WDFY4: variants seen among roughly 807,000 people sequenced by gnomAD.
WDFY4 encodes the protein WDFY family member 4.
A neutral mutation model predicts 351.9 loss-of-function variants in WDFY4; 169 were observed. That is an observed-to-expected ratio of 0.48 (90% CI 0.42 to 0.55). The LOEUF (loss-of-function observed/expected upper bound fraction) is 0.55. Among genes scored for constraint, WDFY4 ranks in the 20% least tolerant of loss-of-function variants. The pLI is 0.00. For missense variants in WDFY4, 3,803 were observed against 3,935.6 expected (o/e 0.97, Z 0.90); for synonymous variants, 1,622 against 1,574.6 (o/e 1.03, Z -0.71).
At chr10:48,966,483 G>A in intron 54 of WDFY4, 43 bp from the exon 55 acceptor site, 1 of 1,531,510 alleles carries the variant, frequency 6.5e-7, no homozygotes, top group East Asian at 2.5e-5. Context: ...CCCCTCCTCT[G>A]GGCATCTCTC....
intron 3 of WDFY4, 125 bp downstream of exon 3, chr10:48,720,250 T>C (rs1388574766): frequency 5.2e-6 from 5 of 961,760 alleles, no homozygotes; most frequent in Non-Finnish European, 3.0e-6. Context: ...CAAAGAGAAG[T>C]AGGCCCCACT....
chr10:48,796,280 T>G lies in WDFY4; in HGVS notation c.4258-18T>G, dbSNP rs781003314. 6.5e-7 allele frequency: 1 copy of G among 1,546,034 alleles called. No homozygotes were observed. Among genetic ancestry groups the G allele is most frequent in the South Asian group, 1.2e-5 (1 of 83,534 alleles). On this transcript the variant is annotated intron_variant, in intron 23 of 61. Transcript: ENST00000325239. Reference sequence around the variant, plus strand: ...ATGATGCATTCATGAGGAAACTGCTTTGTGTTAACCTTTTCAGATAATGGC... The same window carrying G: ...ATGATGCATTCATGAGGAAACTGCTGTGTGTTAACCTTTTCAGATAATGGC...
rs371306679 is a variant in WDFY4, at chr10:48,877,053, G to T, written c.7021G>T (p.Ala2341Ser). The T allele has an allele frequency of 2.0e-6, 3 of 1,505,058 alleles. No homozygotes were observed. In the African/African-American group the frequency reaches 4.2e-5, roughly 21 times the overall value. 93.2% of individuals were successfully genotyped at this position (1,505,058 alleles called of 1,614,324 possible). A position where few individuals can be genotyped will look rare whatever the true frequency, so the allele number is the denominator to read the frequency against. Reference sequence around the variant, plus strand: ...TGCAGATGAACTGACACTGAGGGAGGCTGAGGGCGAGCCGGACGAGGTGGG... The same window carrying T: ...TGCAGATGAACTGACACTGAGGGAGTCTGAGGGCGAGCCGGACGAGGTGGG... ...ENQDELTLRE[A>S]EGEPDEVGVD... The change falls in exon 43 of 62, where the codon GCT becomes TCT. Residue 2341 changes from alanine (A) to serine (S), a missense_variant. Transcript: ENST00000325239.
chr10:48,776,610 C>A, intron 15 of WDFY4, 140 bp from the exon 16 acceptor site: 1 of 837,422 alleles, frequency 1.2e-6, no homozygotes, highest in Non-Finnish European at 1.8e-6. Context: ...GGGAGCCACC[C>A]TCGCTGGTGC....
At chr10:48,732,020 C>A (rs372997803) in intron 9 of WDFY4, among the ~76,000 whole-genome samples, 1 of 152,286 alleles carries the variant, frequency 6.6e-6, no homozygotes, top group East Asian at 1.9e-4. Context: ...GGGCCCAGCA[C>A]GCCCCTCCAA....
intron 51 of WDFY4, among the ~76,000 whole-genome samples, chr10:48,948,025 A>G (rs1318591181): frequency 1.3e-5 from 2 of 152,180 alleles, no homozygotes; most frequent in Admixed American, 1.3e-4. Context: ...ATGGTCACTC[A>G]GAGGACCTTG....
At chr10:48,877,320 A>T in intron 43 of WDFY4, 121 bp downstream of exon 43, 3 of 928,738 alleles carry the variant, frequency 3.2e-6, no homozygotes, top group Non-Finnish European at 3.1e-6. Context: ...TGCTATGAAA[A>T]CTTTCAACAC....
chr10:48,787,901 TTCTTC>T (rs2066503206), intron 20 of WDFY4, among the ~76,000 whole-genome samples: 1 of 31,030 alleles, frequency 3.2e-5, no homozygotes, highest in Non-Finnish European at 6.2e-5. Context: ...CTCCTTCTTC[TTCTTC>T]TTCTTCTTCT....
At chr10:48,749,370 C>T (rs2065111262) in intron 12 of WDFY4, among the ~76,000 whole-genome samples, 1 of 151,926 alleles carries the variant, frequency 6.6e-6, no homozygotes, top group African/African-American at 2.4e-5. Context: ...ACACACACCA[C>T]ACTAAACATA....
intron 2 of WDFY4, among the ~76,000 whole-genome samples, chr10:48,717,271 G>C (rs990851427): frequency 1.3e-5 from 2 of 152,146 alleles, no homozygotes; most frequent in Non-Finnish European, 2.9e-5. Flanking sequence ...AGTATGTGTT[G>C]GAGGTCTGCT....
rs890893588 is a variant in WDFY4 at position 48,874,081 on chromosome 10, T to C, written c.6948+384T>C. Among the ~76,000 whole-genome samples the C allele has an allele frequency of 3.9e-5, 6 of 152,232 alleles. No individual in the cohort carries two copies. In the South Asian group the frequency reaches 8.3e-4, roughly 21 times the overall value. On this transcript the variant is annotated intron_variant, in intron 41 of 61. Transcript: ENST00000325239. ...GTCTGCTCGCACAAGTTACTTGTTA[T>C]TGGGCAGTTGTAACCCATACTGCTA...
intron 51 of WDFY4, among the ~76,000 whole-genome samples, chr10:48,948,511 CA>C (rs1247417871): frequency 6.6e-6 from 1 of 152,160 alleles, no homozygotes; most frequent in East Asian, 1.9e-4. Flanking sequence ...CATTATAACC[CA>C]AAACCCCAGC....
At chr10:48,889,426 C>T (rs2070596662) in intron 43 of WDFY4, among the ~76,000 whole-genome samples, 2 of 152,170 alleles carry the variant, frequency 1.3e-5, no homozygotes, top group Non-Finnish European at 2.9e-5. Flanking sequence ...GGGAGCTTTG[C>T]TTCAGTCCCA....
chr10:48,794,055 T>C (rs2066771732), intron 23 of WDFY4, among the ~76,000 whole-genome samples: 2 of 151,964 alleles, frequency 1.3e-5, no homozygotes, highest in African/African-American at 4.8e-5. Flanking sequence ...GAGGAGAGGA[T>C]GGTTGTGGAG....
At chr10:48,708,659 G>A (rs1275881206) in intron 1 of WDFY4, among the ~76,000 whole-genome samples, 1 of 152,086 alleles carries the variant, frequency 6.6e-6, no homozygotes, top group Non-Finnish European at 1.5e-5. Context: ...GTCACTTATT[G>A]GTGAATTGGC....
intron 61 of WDFY4, among the ~76,000 whole-genome samples, chr10:48,981,932 C>T (rs1373750567): frequency 1.3e-5 from 2 of 152,208 alleles, no homozygotes; most frequent in Non-Finnish European, 1.5e-5. Flanking sequence ...CGTTATTTGA[C>T]TCGCAGTAAC....
intron 12 of WDFY4, among the ~76,000 whole-genome samples, chr10:48,760,090 G>C (rs949541339): frequency 1.2e-4 from 18 of 152,180 alleles, no homozygotes; most frequent in South Asian, 2.1e-4. Flanking sequence ...ACTTCACTGA[G>C]CATCAACTAT....
At chr10:48,911,714 T>A (rs1838021211) in intron 47 of WDFY4, among the ~76,000 whole-genome samples, 1 of 152,234 alleles carries the variant, frequency 6.6e-6, no homozygotes, top group South Asian at 2.1e-4. Context: ...CTGCCAGCAT[T>A]GCAGCTGACA....
chr10:48,749,794 G>C (rs1001049277), intron 12 of WDFY4, among the ~76,000 whole-genome samples: 2 of 152,184 alleles, frequency 1.3e-5, no homozygotes, highest in African/African-American at 4.8e-5. Context: ...TCTGTGTATA[G>C]CTCTGAGAAA....
Sources: gnomAD v4.1 joint callset for allele counts (sites outside exome capture counted in the v4.1 genomes callset) on GRCh38, gnomAD v4.1.1 for gene constraint, MANE v1.5 for transcripts, NCBI Gene and HGNC (gene_info 2026-07-23, HGNC 2026-07-21) for gene names.